PCDHGA10: variants seen among roughly 807,000 people sequenced by gnomAD.
PCDHGA10 encodes the protein protocadherin gamma-A10.
Under a neutral mutation model 59.5 loss-of-function variants are expected in PCDHGA10, and 42 were observed. The observed-to-expected ratio is 0.71, with a 90% CI of 0.55 to 0.91. PCDHGA10 has a LOEUF of 0.91. Among genes scored for constraint, PCDHGA10 ranks in the 40% least tolerant of loss-of-function variants. The pLI is 0.00. For missense variants in PCDHGA10, 1,111 were observed against 1,198.2 expected (o/e 0.93, Z 1.07); for synonymous variants, 511 against 517.2 (o/e 0.99, Z 0.16).
rs1367379916 is a variant in PCDHGA10 at position 141,414,391 on chromosome 5, T to TG, written c.1216_1217insG (p.Tyr406Ter). ...FKLEKSIDSY[Y>*]RLVIHRALDR... Reference sequence around the variant, plus strand: ...ATTAGAAAAGTCCATTGACAGTTATTACAGATTGGTGATACACAGAGCCCT... The same window carrying TG: ...ATTAGAAAAGTCCATTGACAGTTATTGACAGATTGGTGATACACAGAGCCCT... The change falls in exon 1 of 4, where the codon TAC becomes TGAC. Residue 406 changes from tyrosine to a stop codon, truncating the protein, a stop_gained and frameshift_variant. Transcript: ENST00000398610. LOFTEE classifies it high-confidence loss of function. 6.2e-7 allele frequency: 1 copy of TG among 1,613,862 alleles called. No homozygotes were observed. Among genetic ancestry groups the TG allele is most frequent in the South Asian group, 1.1e-5 (1 of 91,080 alleles).
At chr5:141,421,583 G>A (rs765321947) in intron 1 of PCDHGA10, 1 of 1,613,796 alleles carries the variant, frequency 6.2e-7, no homozygotes, top group African/African-American at 1.3e-5. Context: ...AAGATTTACG[G>A]AGTGGAGGTG....
intron 1 of PCDHGA10, chr5:141,427,815 G>A: frequency 6.5e-7 from 1 of 1,527,760 alleles, no homozygotes; most frequent in Non-Finnish European, 9.0e-7. Context: ...ACAGAGCGGG[G>A]TGGTGGTCGC....
In PCDHGA10 at chr5:141,415,585, C is replaced by G. The variant is rs1589974529; in HGVS notation, c.2410C>G (p.Pro804Ala). The G allele has an allele frequency of 3.1e-6, 5 of 1,613,900 alleles. No individual in the cohort carries two copies. The highest frequency in any genetic ancestry group is 3.4e-6 in the Non-Finnish European group (4 of 1,180,006). The change falls in exon 1 of 4, where the codon CCT becomes GCT. Residue 804 changes from proline to alanine, a missense_variant. Transcript: ENST00000398610. ...GTCTTTGTTAGATGATTCGAAGTTT[C>G]CTATAGAGGATACCCCATTGGTTCC... is the stretch of plus-strand genomic sequence containing the variant. ...PLSLLDDSKF[P>A]IEDTPLVPQA... is the part of the protein sequence containing the mutation.
chr5:141,444,325 C>G (rs2098432231), intron 1 of PCDHGA10, among the ~76,000 whole-genome samples: 1 of 151,840 alleles, frequency 6.6e-6, no homozygotes, highest in Non-Finnish European at 1.5e-5. Flanking sequence ...GCATGTGCCA[C>G]CACGCCCAGC....
chr5:141,429,450 A>G (rs1326036711), intron 1 of PCDHGA10, among the ~76,000 whole-genome samples: 1 of 152,114 alleles, frequency 6.6e-6, no homozygotes, highest in East Asian at 1.9e-4. Context: ...CTTGGGCTAC[A>G]GTAATCCTCC....
chr5:141,470,100 G>A (rs1259251144), intron 1 of PCDHGA10, among the ~76,000 whole-genome samples: 2 of 152,178 alleles, frequency 1.3e-5, no homozygotes, highest in African/African-American at 4.8e-5. Context: ...CTACATTCCA[G>A]TCTGAGCAAC....
Position 141,490,748 on chromosome 5 carries a change from C to A in PCDHGA10, c.2437-4059C>A. 3.1e-6 allele frequency: 5 copies of A among 1,614,168 alleles called. No individual in the cohort carries two copies. Among genetic ancestry groups the A allele is most frequent in the Non-Finnish European group, 3.4e-6 (4 of 1,180,006 alleles). ...GGAAATCAGGTTCAGGGAGCCCCAGCCTCCTCCTTTGTGTATGTCAACCCA... is the reference window on the plus strand; with the variant it reads ...GGAAATCAGGTTCAGGGAGCCCCAGACTCCTCCTTTGTGTATGTCAACCCA... On this transcript the variant is annotated intron_variant, in intron 1 of 3. Transcript: ENST00000398610. This position sits in a 1 kb window ranked among gnomAD's most constrained non-coding sequence, Gnocchi z 5.4.
intron 1 of PCDHGA10, among the ~76,000 whole-genome samples, chr5:141,444,395 T>A (rs960583048): frequency 1.3e-5 from 2 of 151,996 alleles, no homozygotes; most frequent in Non-Finnish European, 2.9e-5. Context: ...AGTCTTGAAC[T>A]CCCAACCTCA....
chr5:141,490,730 A>C lies in PCDHGA10; in HGVS notation c.2437-4077A>C. On this transcript the variant is annotated intron_variant, in intron 1 of 3. Coordinates refer to ENST00000398610, the MANE Select transcript of PCDHGA10 (RefSeq NM_018913.3). This position sits in a 1 kb window ranked among gnomAD's most constrained non-coding sequence, Gnocchi z 5.4. ...CTCACCTACTCCATTGTAGGAAATC[A>C]GGTTCAGGGAGCCCCAGCCTCCTCC... 6.2e-7 allele frequency: 1 copy of C among 1,614,188 alleles called. No homozygotes were observed. Among genetic ancestry groups the C allele is most frequent in the Non-Finnish European group, 8.5e-7 (1 of 1,180,024 alleles).
chr5:141,500,189 TTTATTTATTTATTTATTTA>T (rs2099797567), intron 2 of PCDHGA10, among the ~76,000 whole-genome samples: 1 of 110,894 alleles, frequency 9.0e-6, no homozygotes, highest in Non-Finnish European at 1.8e-5. Flanking sequence ...TTTATTTTTA[TTTATTTATTTATTTATTTA>T]TTTATTTATT....
chr5:141,492,962 C>T (rs1197532146), intron 1 of PCDHGA10, among the ~76,000 whole-genome samples: 2 of 152,258 alleles, frequency 1.3e-5, no homozygotes, highest in Non-Finnish European at 2.9e-5. Context: ...CTATCTGACA[C>T]TCTAACAAGT....
Position 141,487,266 on chromosome 5 carries a change from T to A in PCDHGA10, c.2437-7541T>A. The stretch of plus-strand genomic sequence containing the variant: ...ACCCTCTACTTGGCTGTGTCCCTAG[T>A]GGCAATTTGCTTTGTCTCCTTTGGC... On this transcript the variant is annotated intron_variant, in intron 1 of 3. Transcript: ENST00000398610. This position sits in a 1 kb window ranked among gnomAD's most constrained non-coding sequence, Gnocchi z 5.0. The A allele has an allele frequency of 1.2e-6, 2 of 1,614,172 alleles. No homozygotes were observed. Among genetic ancestry groups the A allele is most frequent in the Non-Finnish European group, 8.5e-7 (1 of 1,180,036 alleles).
At chr5:141,444,804 A>G (rs140326088) in intron 1 of PCDHGA10, among the ~76,000 whole-genome samples, 1 of 152,250 alleles carries the variant, frequency 6.6e-6, no homozygotes, top group Non-Finnish European at 1.5e-5. Flanking sequence ...TCTTTTACTA[A>G]TAGCACACTG....
At chr5:141,419,259 C>T (rs765877993) in intron 1 of PCDHGA10, 2 of 1,613,900 alleles carry the variant, frequency 1.2e-6, no homozygotes, top group South Asian at 2.2e-5. Flanking sequence ...AACAACCAGC[C>T]GGGTGCCTCC....
intron 1 of PCDHGA10, among the ~76,000 whole-genome samples, chr5:141,439,050 A>G (rs1353548752): frequency 1.3e-5 from 2 of 151,164 alleles, no homozygotes; most frequent in Non-Finnish European, 2.9e-5. Flanking sequence ...TAAGATTTCC[A>G]TATTGTGTGG....
chr5:141,437,794 G>A (rs1162440523), intron 1 of PCDHGA10, among the ~76,000 whole-genome samples: 3 of 150,526 alleles, frequency 2.0e-5, no homozygotes, highest in Non-Finnish European at 4.4e-5. Flanking sequence ...CTGGAGTGCA[G>A]TGGCACTATC....
chr5:141,447,533 G>T (rs2098541881), intron 1 of PCDHGA10, among the ~76,000 whole-genome samples: 1 of 152,120 alleles, frequency 6.6e-6, no homozygotes, highest in South Asian at 2.1e-4. Flanking sequence ...CAAAATTGTT[G>T]GGTTTTAATG....
intron 1 of PCDHGA10, chr5:141,416,429 G>A (rs952059043): frequency 1.3e-5 from 2 of 152,144 alleles, no homozygotes; most frequent in African/African-American, 4.8e-5. Flanking sequence ...AGTGACTAAG[G>A]CTGAAAGTAA....
At position 141,413,588 on chromosome 5, in the gene PCDHGA10, A is replaced by C; in HGVS notation, c.413A>C (p.Gln138Pro). 1 of 1,613,922 alleles carries C rather than the reference A, an allele frequency of 6.2e-7. No homozygotes were observed. Among genetic ancestry groups the C allele is most frequent in the South Asian group, 1.1e-5 (1 of 91,086 alleles). ...ATCAATGACAATGCTCCAAAATTCC[A>C]AGCAGAAAATCTAGACGTAAAAATT... The part of the protein sequence containing the change: ...TDINDNAPKF[Q>P]AENLDVKINE... Residue 138 changes from glutamine (Q) to proline (P), a missense_variant, in exon 1 of 4, where the codon CAA becomes CCA. By Grantham distance (76) the Gln-to-Pro change is moderately conservative. Coordinates refer to ENST00000398610, the MANE Select transcript of PCDHGA10 (RefSeq NM_018913.3).
Sources: gnomAD v4.1 joint callset for allele counts (sites outside exome capture counted in the v4.1 genomes callset) on GRCh38, gnomAD v4.1.1 for gene constraint, Gnocchi (gnomAD v3.1) non-coding constraint, MANE v1.5 for transcripts, NCBI Gene and HGNC (gene_info 2026-07-23, HGNC 2026-07-21) for gene names.